DCC: variants seen among roughly 807,000 people sequenced by gnomAD.
DCC encodes DCC netrin 1 receptor.
In DCC, 58 loss-of-function variants were observed where a neutral mutation model predicts 172.5. The observed-to-expected ratio is 0.34, with a 90% confidence interval of 0.27 to 0.42. DCC has a LOEUF of 0.42. Among genes scored for constraint, DCC ranks in the 10% least tolerant of loss-of-function variants. The pLI is 1.00. For synonymous variants in DCC, 709 were observed against 644.5 expected, an observed-to-expected ratio of 1.10 and a Z score of -1.52; for missense variants, 1,740 against 1,791.0, an observed-to-expected ratio of 0.97 and a Z score of 0.51.
chr18:53,031,862 ATGTG>A (rs141598026), intron 5 of DCC, among the ~76,000 whole-genome samples: 1 of 151,402 alleles, frequency 6.6e-6, no homozygotes, highest in Non-Finnish European at 1.5e-5. Flanking sequence ...GGGAGTGTGT[ATGTG>A]TGTGTGTGTG....
chr18:53,311,906 T>A (rs2057273088), intron 13 of DCC, among the ~76,000 whole-genome samples: 1 of 152,172 alleles, frequency 6.6e-6, no homozygotes, highest in Non-Finnish European at 1.5e-5. Flanking sequence ...CTGTAAATAA[T>A]GTGTTTCTCA....
At chr18:53,119,311 A>T (rs555716422) in intron 7 of DCC, among the ~76,000 whole-genome samples, 1 of 151,736 alleles carries the variant, frequency 6.6e-6, no homozygotes, top group African/African-American at 2.4e-5. Flanking sequence ...TCTGGTATTT[A>T]TCTCACCTCT....
intron 27 of DCC, among the ~76,000 whole-genome samples, chr18:53,502,659 A>AGAAAG (rs1173582300): frequency 4.6e-5 from 7 of 152,320 alleles, no homozygotes; most frequent in African/African-American, 1.7e-4. Flanking sequence ...GGATTTCACA[A>AGAAAG]GAAAGGACTG....
chr18:52,558,411 C>T (rs1453140842), intron 1 of DCC, among the ~76,000 whole-genome samples: 2 of 152,076 alleles, frequency 1.3e-5, no homozygotes, highest in African/African-American at 4.8e-5. Flanking sequence ...TCTATACATA[C>T]ATATTATGTA....
At chr18:52,417,922 C>A (rs1472287659) in intron 1 of DCC, among the ~76,000 whole-genome samples, 1 of 152,200 alleles carries the variant, frequency 6.6e-6, no homozygotes, top group African/African-American at 2.4e-5. Flanking sequence ...TGAGGAACTG[C>A]GTTCCTTTGC....
intron 1 of DCC, among the ~76,000 whole-genome samples, chr18:52,684,995 T>G (rs543154150): frequency 7.6e-4 from 115 of 152,284 alleles, no homozygotes; most frequent in African/African-American, 2.5e-3. Context: ...AATTCCTATT[T>G]TTTTTACCAC....
chr18:53,245,378 G>T (rs907838412), intron 12 of DCC, among the ~76,000 whole-genome samples: 2 of 152,144 alleles, frequency 1.3e-5, no homozygotes, highest in African/African-American at 4.8e-5. Flanking sequence ...GCTGTGTTCT[G>T]TATGCTCTGT....
At chr18:52,517,220 T>G (rs1302791814) in intron 1 of DCC, among the ~76,000 whole-genome samples, 1 of 152,222 alleles carries the variant, frequency 6.6e-6, no homozygotes, top group African/African-American at 2.4e-5. Flanking sequence ...CTGTTCTAGA[T>G]GAAATTATTA....
intron 2 of DCC, among the ~76,000 whole-genome samples, chr18:52,834,315 G>A (rs1466132886): frequency 2.6e-5 from 4 of 152,206 alleles, no homozygotes; most frequent in African/African-American, 7.2e-5. Flanking sequence ...AAGGATTGTA[G>A]TGGTGATTCT....
chr18:53,284,270 G>A (rs954799968), intron 12 of DCC, among the ~76,000 whole-genome samples: 1 of 152,078 alleles, frequency 6.6e-6, no homozygotes, highest in Non-Finnish European at 1.5e-5. Context: ...AATAACTTGA[G>A]GATAGATATG....
chr18:53,376,614 T>C (rs1907307188), intron 15 of DCC, among the ~76,000 whole-genome samples: 1 of 152,120 alleles, frequency 6.6e-6, no homozygotes, highest in Non-Finnish European at 1.5e-5. Context: ...TGGAAGAGTG[T>C]CTGGAGTACA....
intron 2 of DCC, among the ~76,000 whole-genome samples, chr18:52,850,041 G>A (rs904254836): frequency 1.6e-4 from 24 of 152,182 alleles, no homozygotes; most frequent in African/African-American, 3.1e-4. Flanking sequence ...GGTGGGGTTC[G>A]TATGATTTTG....
chr18:53,513,126 T>G (rs1365817082), intron 27 of DCC, among the ~76,000 whole-genome samples: 2 of 152,214 alleles, frequency 1.3e-5, no homozygotes, highest in African/African-American at 4.8e-5. Context: ...GCAGAAATCC[T>G]ACAAGCCAAA....
chr18:53,402,746 A>C (rs758841890), intron 18 of DCC, 40 bp from the exon 19 acceptor site: 13 of 1,349,188 alleles, frequency 9.6e-6, no homozygotes, highest in Non-Finnish European at 1.3e-5. Context: ...ATTTTCTTTC[A>C]CATCCAATGA....
intron 1 of DCC, among the ~76,000 whole-genome samples, chr18:52,715,410 G>T: frequency 6.6e-6 from 1 of 150,924 alleles, no homozygotes; most frequent in East Asian, 2.0e-4. Context: ...AGTGATTCTT[G>T]TGCCTCAGCC....
intron 27 of DCC, among the ~76,000 whole-genome samples, chr18:53,502,607 CTT>C (rs929562603): frequency 2.3e-4 from 35 of 152,028 alleles, no homozygotes; most frequent in Admixed American, 2.0e-3. Context: ...AAGTCATTCT[CTT>C]GTCAGCTTTT....
At chr18:53,009,143 A>G (rs888295542) in intron 5 of DCC, among the ~76,000 whole-genome samples, 3 of 151,860 alleles carry the variant, frequency 2.0e-5, no homozygotes, top group African/African-American at 7.2e-5. Flanking sequence ...GGAATTTTAT[A>G]TATCTGAGTT....
intron 1 of DCC, among the ~76,000 whole-genome samples, chr18:52,642,091 C>CAT (rs2034917751): frequency 1.6e-5 from 2 of 128,990 alleles, no homozygotes; most frequent in African/African-American, 5.6e-5. Flanking sequence ...CACACACACA[C>CAT]ACACACTCAC....
chr18:52,692,214 C>G (rs1303434986), intron 1 of DCC, among the ~76,000 whole-genome samples: 3 of 152,100 alleles, frequency 2.0e-5, no homozygotes, highest in Non-Finnish European at 4.4e-5. Context: ...CAGGGTAATG[C>G]TGTTTTATTT....
Sources: allele counts gnomAD v4.1 joint callset (sites outside exome capture counted in the v4.1 genomes callset), GRCh38; gene constraint gnomAD v4.1.1; transcripts MANE v1.5; gene names NCBI Gene and HGNC (gene_info 2026-07-23, HGNC 2026-07-21).